ZBTB16: variants seen among roughly 807,000 people sequenced by gnomAD.
ZBTB16 encodes the protein zinc finger and BTB domain-containing protein 16.
Under a neutral mutation model 56.8 loss-of-function variants are expected in ZBTB16, and 8 were observed. The observed-to-expected ratio is 0.14, with a 90% CI of 0.08 to 0.25. The LOEUF (loss-of-function observed/expected upper bound fraction) is 0.25. Among genes scored for constraint, ZBTB16 ranks in the 10% least tolerant of loss-of-function variants. The probability of loss-of-function intolerance (pLI) is 1.00; values close to 1 mark genes in which losing one functional copy is unlikely to be tolerated. For synonymous variants in ZBTB16, 363 were observed against 368.5 expected (o/e 0.98, Z 0.17); for missense variants, 625 against 903.0 (o/e 0.69, Z 3.95).
At chr11:114,223,470 G>A (rs1278989457) in intron 4 of ZBTB16, among the ~76,000 whole-genome samples, 1 of 152,196 alleles carries the variant, frequency 6.6e-6, no homozygotes, top group South Asian at 2.1e-4. Flanking sequence ...TATTAATGGT[G>A]TAGGCTCTGA....
rs1247405294 is a variant in ZBTB16, at chr11:114,252,343, T to A, written c.*1788T>A. Among the ~76,000 whole-genome samples, 3 of 139,580 alleles carry A rather than the reference T, an allele frequency of 2.1e-5. No individual in the cohort carries two copies. The highest frequency in any genetic ancestry group is 7.8e-5 in the African/African-American group (3 of 38,340). 91.6% of individuals were successfully genotyped at this position (139,580 alleles called of 152,430 possible). A position where few individuals can be genotyped will look rare whatever the true frequency, so the allele number is the denominator to read the frequency against. ...TCTCACCTCTGTGCGTGCATTCTCA[T>A]TGCCAGAATTGGTCTATTTTCACGG... On this transcript the variant is annotated 3_prime_UTR_variant, in exon 7 of 7. Coordinates refer to ENST00000335953, the MANE Select transcript of ZBTB16 (RefSeq NM_006006.6).
chr11:114,193,453 C>T (rs1220750431), intron 4 of ZBTB16, among the ~76,000 whole-genome samples: 3 of 152,136 alleles, frequency 2.0e-5, no homozygotes, highest in African/African-American at 7.2e-5. Flanking sequence ...AGCAGTTTTA[C>T]CCTCAGGATA....
At chr11:114,172,521 G>T (rs1942996975) in intron 3 of ZBTB16, among the ~76,000 whole-genome samples, 1 of 152,166 alleles carries the variant, frequency 6.6e-6, no homozygotes, top group African/African-American at 2.4e-5. Context: ...GCTGCGCTGT[G>T]ACCCCAGGGC....
At chr11:114,206,581 A>C (rs1328969235) in intron 4 of ZBTB16, among the ~76,000 whole-genome samples, 1 of 152,228 alleles carries the variant, frequency 6.6e-6, no homozygotes, top group Admixed American at 6.5e-5. Context: ...CCTGATGCTG[A>C]TGGCCTGGAG....
At position 114,142,482 on chromosome 11, in the gene ZBTB16, A is replaced by G. The variant is rs1591709250; in HGVS notation, c.1269-13855A>G. Among the ~76,000 whole-genome samples the G allele has an allele frequency of 3.3e-5, 5 of 152,342 alleles. No individual in the cohort carries two copies. The South Asian group carries it at 1.0e-3, about 32-fold the overall frequency. On this transcript the variant is annotated intron_variant, in intron 2 of 6. Transcript: ENST00000335953. The stretch of plus-strand genomic sequence containing the variant: ...ACAGAACGGTGATTTATAGGGCAGC[A>G]TGCCGCTTTAGCTCAGAAATGAGGT...
chr11:114,089,205 G>A (rs1355454438), intron 2 of ZBTB16, among the ~76,000 whole-genome samples: 2 of 152,168 alleles, frequency 1.3e-5, no homozygotes, highest in African/African-American at 4.8e-5. Flanking sequence ...TATGGATGAT[G>A]TCCTGTGAAG....
chr11:114,061,884 T>C (rs967651344), intron 1 of ZBTB16, among the ~76,000 whole-genome samples: 8 of 152,116 alleles, frequency 5.3e-5, no homozygotes, highest in Admixed American at 1.3e-4. Flanking sequence ...TCACAGGACT[T>C]GCAGACTCCT....
chr11:114,242,785 T>G (rs1321350112), intron 5 of ZBTB16, among the ~76,000 whole-genome samples: 1 of 152,184 alleles, frequency 6.6e-6, no homozygotes, highest in African/African-American at 2.4e-5. Context: ...CCATACACAT[T>G]TCTGAAGTCA....
chr11:114,250,315 T>G lies in ZBTB16; in HGVS notation c.1793-11T>G. Reference sequence around the variant, plus strand: ...TCCTCACTTTCTCCTGCCCTGTCCCTCCGCCCTCAGGTGAGAAGCCCTTTG... The same window carrying G: ...TCCTCACTTTCTCCTGCCCTGTCCCGCCGCCCTCAGGTGAGAAGCCCTTTG... On this transcript the variant is annotated splice_polypyrimidine_tract_variant and intron_variant, in intron 6 of 6. Transcript: ENST00000335953. This position sits in a 1 kb window ranked among gnomAD's most constrained non-coding sequence, Gnocchi z 6.0. 6.2e-7 allele frequency: 1 copy of G among 1,609,752 alleles called. No individual in the cohort carries two copies. Among genetic ancestry groups the G allele is most frequent in the African/African-American group, 1.3e-5 (1 of 75,028 alleles).
chr11:114,124,350 C>T (rs1228409088), intron 2 of ZBTB16, among the ~76,000 whole-genome samples: 4 of 151,990 alleles, frequency 2.6e-5, no homozygotes, highest in African/African-American at 9.7e-5. Flanking sequence ...CAGCATGCAA[C>T]AGAGTCCTCA....
intron 3 of ZBTB16, among the ~76,000 whole-genome samples, chr11:114,178,808 T>C (rs764967608): frequency 1.8e-4 from 27 of 152,168 alleles, no homozygotes; most frequent in Non-Finnish European, 3.7e-4. Flanking sequence ...CAGCATTTCC[T>C]CCTGACCCAG....
At chr11:114,197,318 G>A (rs1345435762) in intron 4 of ZBTB16, among the ~76,000 whole-genome samples, 1 of 152,150 alleles carries the variant, frequency 6.6e-6, no homozygotes, top group Non-Finnish European at 1.5e-5. Flanking sequence ...GGTCCATGCT[G>A]TGGACTCTGC....
chr11:114,180,613 G>GT (rs1416165311), intron 3 of ZBTB16, among the ~76,000 whole-genome samples: 2 of 152,192 alleles, frequency 1.3e-5, no homozygotes, highest in African/African-American at 4.8e-5. Flanking sequence ...TAAATAGGGG[G>GT]TAGTAGAGAA....
At chr11:114,136,296 G>A (rs1276930031) in intron 2 of ZBTB16, among the ~76,000 whole-genome samples, 1 of 152,166 alleles carries the variant, frequency 6.6e-6, no homozygotes, top group East Asian at 1.9e-4. Flanking sequence ...CACTGTTTGG[G>A]GGCTGAGGGT....
chr11:114,113,274 C>A (rs561037662), intron 2 of ZBTB16, among the ~76,000 whole-genome samples: 45 of 152,316 alleles, frequency 3.0e-4, no homozygotes, highest in African/African-American at 1.0e-3. Flanking sequence ...CCAGACAGGT[C>A]AATTCTTATC....
chr11:114,245,633 C>G (rs1014474594), intron 5 of ZBTB16, among the ~76,000 whole-genome samples: 1 of 152,118 alleles, frequency 6.6e-6, no homozygotes, highest in Non-Finnish European at 1.5e-5. Flanking sequence ...AGTGAAGGCA[C>G]AGGCATGCGA....
chr11:114,228,482 CCCT>C (rs1329540207), intron 4 of ZBTB16, among the ~76,000 whole-genome samples: 1 of 152,028 alleles, frequency 6.6e-6, no homozygotes, highest in Non-Finnish European at 1.5e-5. Flanking sequence ...CACTTTTTTC[CCCT>C]CTCTGAGTTC....
chr11:114,148,397 C>CT (rs1942176972), intron 2 of ZBTB16, among the ~76,000 whole-genome samples: 3 of 24,742 alleles, frequency 1.2e-4, no homozygotes, highest in African/African-American at 7.4e-4. Context: ...TCCTCCTTCC[C>CT]TCCCTCCCTC....
intron 2 of ZBTB16, among the ~76,000 whole-genome samples, chr11:114,120,886 C>T (rs1388762099): frequency 6.6e-6 from 1 of 152,138 alleles, no homozygotes; most frequent in Non-Finnish European, 1.5e-5. Context: ...TCCTCTTCAG[C>T]CTTTTGGACT....
Sources: allele counts gnomAD v4.1 joint callset (sites outside exome capture counted in the v4.1 genomes callset), GRCh38; gene constraint gnomAD v4.1.1; non-coding constraint Gnocchi (gnomAD v3.1); transcripts MANE v1.5; gene names NCBI Gene and HGNC (gene_info 2026-07-23, HGNC 2026-07-21).